LLGL1: variants seen among roughly 807,000 people sequenced by gnomAD.
LLGL1 encodes the protein LLGL scribble cell polarity complex component 1.
Under a neutral mutation model 110.6 loss-of-function variants are expected in LLGL1, and 58 were observed. The ratio of observed to expected loss-of-function variants is 0.52; its 90% CI spans 0.42 to 0.65. LLGL1 has a LOEUF of 0.65. Ranked by LOEUF, LLGL1 falls within the 30% of genes least tolerant of loss-of-function variation. The pLI, the probability that LLGL1 is intolerant of heterozygous loss-of-function variation, is 0.00. For synonymous variants in LLGL1, 674 were observed against 607.2 expected (o/e 1.11, Z -1.62); for missense variants, 1,229 against 1,462.1 (o/e 0.84, Z 2.60).
chr17:18,243,562 G>C (rs571252444), intron 22 of LLGL1, among the ~76,000 whole-genome samples: 123 of 152,322 alleles, frequency 8.1e-4, no homozygotes, highest in African/African-American at 2.9e-3. Context: ...GCCTGAGTCT[G>C]TGGATCCTCA....
chr17:18,234,726 C>T (rs753036127), intron 8 of LLGL1, 23 bp downstream of exon 8: 28 of 1,613,782 alleles, frequency 1.7e-5, no homozygotes, highest in East Asian at 1.6e-4. Flanking sequence ...AGTGGGTGTC[C>T]GATGTGAGTT....
chr17:18,235,701 C>T, intron 11 of LLGL1, 164 bp downstream of exon 11: 2 of 664,086 alleles, frequency 3.0e-6, no homozygotes, highest in Non-Finnish European at 2.5e-6. Context: ...CCTCCCTGGA[C>T]CTTGGTTCAA....
Position 18,232,593 on chromosome 17 carries a change from C to T in LLGL1, c.261+17C>T. ...ACCGGCCAGGTGAGCCTCTGCTTCC[C>T]ACTAGCCAGCTCCCTGTGGCCCCCA... On this transcript the variant is annotated intron_variant, in intron 3 of 22. Transcript: ENST00000316843. 1 of 1,614,064 alleles carries T rather than the reference C, an allele frequency of 6.2e-7. No homozygotes were observed. Among genetic ancestry groups the T allele is most frequent in the Non-Finnish European group, 8.5e-7 (1 of 1,179,944 alleles).
Position 18,230,010 on chromosome 17 carries a change from A to G in LLGL1, c.151A>G (p.Ile51Val), listed in dbSNP as rs751226368. Residue 51 changes from isoleucine (I) to valine (V), a missense_variant, in exon 2 of 23, where the codon ATC becomes GTC. By Grantham distance (29) the Ile-to-Val change is conservative (BLOSUM62 3). Transcript: ENST00000316843. The part of the protein sequence containing the change: ...AFDPELRIMA[I>V]GTRSGAVKIY... ...CGACCCGGAACTTCGCATCATGGCC[A>G]TCGGCACCAGGTCTGGGGCTGTCAA... The G allele has an allele frequency of 2.5e-6, 4 of 1,612,156 alleles. No homozygotes were observed. The highest frequency in any genetic ancestry group is 1.1e-5 in the South Asian group (1 of 91,006).
At chr17:18,228,245 G>A (rs1481898776) in intron 1 of LLGL1, among the ~76,000 whole-genome samples, 2 of 152,238 alleles carry the variant, frequency 1.3e-5, no homozygotes, top group Non-Finnish European at 2.9e-5. Flanking sequence ...GTGTGGCCAG[G>A]GCGGCTGCTG....
rs1195935768 is a variant in LLGL1, at chr17:18,235,120, G to T, written c.1092G>T (p.Leu364=). 5.6e-6 allele frequency: 9 copies of T among 1,613,878 alleles called. No individual in the cohort carries two copies. Among genetic ancestry groups the T allele is most frequent in the Non-Finnish European group, 7.6e-6 (9 of 1,180,030 alleles). ...ATGACCCCCAGGCCCTGGCTGTGCTGCTGGAAGAGGAGCTGGTGGTGCTGG... is the reference window on the plus strand; with the variant it reads ...ATGACCCCCAGGCCCTGGCTGTGCTTCTGGAAGAGGAGCTGGTGGTGCTGG... The part of the protein sequence containing the change: ...EFDDPQALAV[L]LEEELVVLDL... The change falls in exon 10 of 23, where the codon CTG becomes CTT. Residue 364 remains leucine, a synonymous_variant. Coordinates refer to ENST00000316843, the MANE Select transcript of LLGL1 (RefSeq NM_004140.4).
At chr17:18,241,331 G>C in intron 17 of LLGL1, 120 bp from the exon 18 acceptor site, 1 of 1,325,026 alleles carries the variant, frequency 7.5e-7, no homozygotes, top group African/African-American at 1.5e-5. Flanking sequence ...GGCACGGGAG[G>C]CCACGTAGCA....
chr17:18,228,632 C>T (rs933931737), intron 1 of LLGL1, among the ~76,000 whole-genome samples: 3 of 152,086 alleles, frequency 2.0e-5, no homozygotes, highest in East Asian at 1.9e-4. Flanking sequence ...CTCCTTTCCT[C>T]GTTTGTAAAA....
chr17:18,227,875 A>G (rs1396258262), intron 1 of LLGL1, among the ~76,000 whole-genome samples: 1 of 152,184 alleles, frequency 6.6e-6, no homozygotes, highest in East Asian at 1.9e-4. Flanking sequence ...TTAGTCACCT[A>G]AGTGGGTAAT....
intron 17 of LLGL1, 29 bp from the exon 18 acceptor site, chr17:18,241,422 C>T (rs1262013223): frequency 1.2e-6 from 2 of 1,602,336 alleles, no homozygotes; most frequent in Non-Finnish European, 1.7e-6. Flanking sequence ...CAGGGCCAGG[C>T]TTTGTGCTCA....
At position 18,225,779 on chromosome 17, in the gene LLGL1, G is replaced by C; in HGVS notation, c.81+16G>C. 2.0e-6 allele frequency: 2 copies of C among 1,000,216 alleles called. No homozygotes were observed. Among genetic ancestry groups the C allele is most frequent in the Non-Finnish European group, 2.4e-6 (2 of 836,754 alleles). 62.0% of individuals were successfully genotyped at this position (1,000,216 alleles called of 1,614,324 possible). A position where few individuals can be genotyped will look rare whatever the true frequency, so the allele number is the denominator to read the frequency against. On this transcript the variant is annotated intron_variant, in intron 1 of 22. Coordinates refer to ENST00000316843, the MANE Select transcript of LLGL1 (RefSeq NM_004140.4). Reference sequence around the variant, plus strand: ...CTTCAACAAGGTGCGGCGGCGGCCCGGGCCCGGGCTCGGGCGGGAGGGGGC... The same window carrying C: ...CTTCAACAAGGTGCGGCGGCGGCCCCGGCCCGGGCTCGGGCGGGAGGGGGC...
At chr17:18,233,693 TATC>T in intron 4 of LLGL1, 82 bp from the exon 5 acceptor site, 2 of 1,439,290 alleles carry the variant, frequency 1.4e-6, no homozygotes, top group Non-Finnish European at 1.9e-6. Context: ...AGTGATGAGT[TATC>T]AGCAGTGGCC....
intron 16 of LLGL1, among the ~76,000 whole-genome samples, chr17:18,238,868 A>C (rs1449894808): frequency 6.6e-6 from 1 of 152,098 alleles, no homozygotes; most frequent in Non-Finnish European, 1.5e-5. Flanking sequence ...AAAATTAGCC[A>C]GGTGTGGTGG....
intron 11 of LLGL1, 48 bp from the exon 12 acceptor site, chr17:18,236,559 C>G (rs1327133281): frequency 6.4e-7 from 1 of 1,566,032 alleles, no homozygotes; most frequent in Non-Finnish European, 8.7e-7. Context: ...GAGGGGCGTG[C>G]AGGCCTCCCA....
intron 14 of LLGL1, 114 bp downstream of exon 14, chr17:18,237,887 A>G (rs1309039176): frequency 8.3e-6 from 11 of 1,328,704 alleles, no homozygotes; most frequent in East Asian, 2.4e-5. Flanking sequence ...CCATTGCCCT[A>G]TAAGAAATAA....
chr17:18,228,791 AG>A (rs1278130795), intron 1 of LLGL1, among the ~76,000 whole-genome samples: 1 of 152,088 alleles, frequency 6.6e-6, no homozygotes, highest in African/African-American at 2.4e-5. Context: ...CTCTGTCCTT[AG>A]GTGGGCTTAC....
At chr17:18,229,894 G>T in intron 1 of LLGL1, 47 bp from the exon 2 acceptor site, 1 of 1,402,586 alleles carries the variant, frequency 7.1e-7, no homozygotes. Flanking sequence ...GGCCATGGCA[G>T]AGGTGCCTGG....
At chr17:18,236,357 G>A (rs1267521247) in intron 11 of LLGL1, 5 of 509,240 alleles carry the variant, frequency 9.8e-6, no homozygotes, top group South Asian at 5.4e-5. Flanking sequence ...GTTAATCAGG[G>A]TGGTCATTTC....
chr17:18,238,658 C>G (rs1223333501), intron 16 of LLGL1, 49 bp downstream of exon 16: 1 of 1,550,738 alleles, frequency 6.4e-7, no homozygotes, highest in Non-Finnish European at 8.8e-7. Flanking sequence ...GGGGGGCTGG[C>G]CTCAATTGGC....
Sources: gnomAD v4.1 joint callset for allele counts (sites outside exome capture counted in the v4.1 genomes callset) on GRCh38, gnomAD v4.1.1 for gene constraint, MANE v1.5 for transcripts, NCBI Gene and HGNC (gene_info 2026-07-23, HGNC 2026-07-21) for gene names.